The following PCBP3 variants were observed in gnomAD, a reference collection of about 807,000 sequenced individuals.
PCBP3 encodes poly(rC) binding protein 3, also known as poly(rC)-binding protein 3.
PCBP3 carries 25 observed loss-of-function variants against 52.7 expected under a neutral mutation model. That is an observed-to-expected ratio of 0.47 (90% confidence interval 0.35 to 0.66). PCBP3 has a LOEUF of 0.66. PCBP3 is among the 30% of genes least tolerant of loss of function. The pLI, the probability that PCBP3 is intolerant of heterozygous loss-of-function variation, is 0.01. For synonymous variants in PCBP3, 162 were observed against 183.0 expected, an observed-to-expected ratio of 0.89 and a Z score of 0.93; for missense variants, 391 against 490.3, an observed-to-expected ratio of 0.80 and a Z score of 1.91.
At chr21:45,898,597 G>A (rs1294380599) in intron 6 of PCBP3, among the ~76,000 whole-genome samples, 24 of 126,312 alleles carry the variant, frequency 1.9e-4, no homozygotes, top group Non-Finnish European at 3.2e-4. Context: ...CTCCCTCCAC[G>A]GGCCCCTCTA....
At chr21:45,799,306 C>A (rs1240813448) in intron 4 of PCBP3, among the ~76,000 whole-genome samples, 1 of 152,122 alleles carries the variant, frequency 6.6e-6, no homozygotes, top group Non-Finnish European at 1.5e-5. Flanking sequence ...GTACAGTAGT[C>A]CCCCTTTGTC....
chr21:45,888,992 C>G (rs1028659154), intron 5 of PCBP3, among the ~76,000 whole-genome samples: 1 of 152,226 alleles, frequency 6.6e-6, no homozygotes, highest in Non-Finnish European at 1.5e-5. Context: ...TTAAATAGCC[C>G]TTGTATGTTA....
rs78938477 is a variant in PCBP3, at chr21:45,876,063, G to A, written c.11-20145G>A. On this transcript the variant is annotated intron_variant, in intron 5 of 17. Coordinates refer to ENST00000681687, the MANE Select transcript of PCBP3 (RefSeq NM_001384156.1). ...TGGGCCAGTAGGATGTCCCTGCTGC[G>A]TTCAGCTTCCCACTAAGACTAGAGG... Among the ~76,000 whole-genome samples the A allele has an allele frequency of 3.4e-3, 523 of 152,296 alleles. 2 individuals are homozygous for A. Among genetic ancestry groups the A allele is most frequent in the African/African-American group, 0.011 (473 of 41,566 alleles).
At chr21:45,938,717 G>A (rs1362002968) in intron 16 of PCBP3, among the ~76,000 whole-genome samples, 1 of 152,168 alleles carries the variant, frequency 6.6e-6, no homozygotes, top group Non-Finnish European at 1.5e-5. Context: ...CAGCAGCCCT[G>A]GATTCTCCAG....
chr21:45,739,854 T>C lies in PCBP3; in HGVS notation c.-162+4425T>C, dbSNP rs140609258. ...GCATTGTAGTCACTGTCACACACAC[T>C]CTCTTCGCTTTGCCTCTGTGTCCTC... On this transcript the variant is annotated intron_variant, in intron 3 of 17. Transcript: ENST00000681687. 1.2e-3 allele frequency among the ~76,000 whole-genome samples: 184 copies of C among 152,280 alleles called. 2 individuals are homozygous for C. The highest frequency in any genetic ancestry group is 1.4e-3 in the Non-Finnish European group (95 of 68,018).
rs9982063 is a variant in PCBP3 at position 45,656,883 on chromosome 21, G to A, written c.-278-11991G>A. Among the ~76,000 whole-genome samples, 21,733 of 151,962 alleles carry A rather than the reference G, an allele frequency of 0.14. 1,676 individuals carry two copies. The highest frequency in any genetic ancestry group is 0.18 in the African/African-American group (7,575 of 41,434). On this transcript the variant is annotated intron_variant, in intron 1 of 17. Transcript: ENST00000681687. The surrounding 1 kb of genome is among the most constrained non-coding windows in gnomAD (Gnocchi z 4.3). Reference sequence around the variant, plus strand: ...GTCGCCTAGGCTAGAGTGCAGTGGCGCAACCTCGGCTCACTGCAAGCTCTG... The same window carrying A: ...GTCGCCTAGGCTAGAGTGCAGTGGCACAACCTCGGCTCACTGCAAGCTCTG...
At chr21:45,763,236 A>T (rs944834349) in intron 4 of PCBP3, 12 of 152,212 alleles carry the variant, frequency 7.9e-5, no homozygotes, top group Admixed American at 5.9e-4. Flanking sequence ...TGCAGTTCCC[A>T]CCATTGAGGG....
rs1258247661 is a variant in PCBP3 at position 45,741,357 on chromosome 21, T to C, written c.-162+5928T>C. 6.6e-6 allele frequency among the ~76,000 whole-genome samples: 1 copy of C among 151,922 alleles called. No individual in the cohort carries two copies. The highest frequency in any genetic ancestry group is 1.5e-5 in the Non-Finnish European group (1 of 67,972). On this transcript the variant is annotated intron_variant, in intron 3 of 17. Transcript: ENST00000681687. The surrounding 1 kb of genome is among the most constrained non-coding windows in gnomAD (Gnocchi z 4.5). ...GCAAGAAGGGAGCTGCAGCATCAGG[T>C]GTGGGTACCAGGTGCACAGCCAGCG...
At chr21:45,688,761 G>A (rs1328937608) in intron 2 of PCBP3, among the ~76,000 whole-genome samples, 1 of 151,670 alleles carries the variant, frequency 6.6e-6, no homozygotes, top group Non-Finnish European at 1.5e-5. Flanking sequence ...AAAAATATCA[G>A]TAGTGAAAAA....
intron 5 of PCBP3, among the ~76,000 whole-genome samples, chr21:45,887,260 T>C (rs2095545404): frequency 6.6e-6 from 1 of 152,246 alleles, no homozygotes; most frequent in Non-Finnish European, 1.5e-5. Context: ...GGCTGTTTTG[T>C]TGTTTTTAGC....
intron 4 of PCBP3, among the ~76,000 whole-genome samples, chr21:45,784,677 G>T (rs189075197): frequency 0.013 from 2,026 of 152,348 alleles, 61 homozygotes; most frequent in African/African-American, 0.046. Context: ...TGGCCAGGCT[G>T]GTCTCCAGCT....
intron 3 of PCBP3, among the ~76,000 whole-genome samples, chr21:45,745,887 C>T (rs1413442126): frequency 1.3e-5 from 2 of 152,156 alleles, no homozygotes; most frequent in African/African-American, 2.4e-5. Context: ...TGAAGGCAGA[C>T]AGCGCCACAC....
At chr21:45,843,988 T>C (rs1020962425) in intron 4 of PCBP3, among the ~76,000 whole-genome samples, 5 of 152,116 alleles carry the variant, frequency 3.3e-5, no homozygotes, top group Non-Finnish European at 1.5e-5. Context: ...CTCCCACCAG[T>C]TGGGCGATTT....
chr21:45,883,386 C>T (rs772335180), intron 5 of PCBP3, among the ~76,000 whole-genome samples: 15 of 152,190 alleles, frequency 9.9e-5, no homozygotes, highest in Non-Finnish European at 1.8e-4. Flanking sequence ...CAGAGTGTTC[C>T]GGAAGTGTTC....
intron 4 of PCBP3, among the ~76,000 whole-genome samples, chr21:45,801,738 TA>T (rs760740786): frequency 6.6e-6 from 1 of 152,252 alleles, no homozygotes; most frequent in Non-Finnish European, 1.5e-5. Flanking sequence ...TTCTGGGCAG[TA>T]TGTGCTGTTC....
intron 4 of PCBP3, among the ~76,000 whole-genome samples, chr21:45,778,657 C>T (rs1186345683): frequency 6.6e-6 from 1 of 152,158 alleles, no homozygotes; most frequent in East Asian, 1.9e-4. Flanking sequence ...AACTCAAGCC[C>T]CTGGAAGGAG....
chr21:45,655,752 T>C (rs571281728), intron 1 of PCBP3, among the ~76,000 whole-genome samples: 1 of 152,042 alleles, frequency 6.6e-6, no homozygotes, highest in Non-Finnish European at 1.5e-5. Flanking sequence ...GTCTTTACAA[T>C]CTATCCATCT....
chr21:45,675,348 T>C (rs1489849423), intron 2 of PCBP3, among the ~76,000 whole-genome samples: 9 of 152,176 alleles, frequency 5.9e-5, no homozygotes, highest in Admixed American at 5.9e-4. Context: ...TAAGTGAACA[T>C]GTCCCTACAG....
At chr21:45,833,451 T>C (rs1218734678) in intron 4 of PCBP3, among the ~76,000 whole-genome samples, 1 of 152,206 alleles carries the variant, frequency 6.6e-6, no homozygotes, top group East Asian at 1.9e-4. Flanking sequence ...ATGCTACTTG[T>C]GCATGCCAGG....
Sources: gnomAD v4.1 joint callset for allele counts (sites outside exome capture counted in the v4.1 genomes callset) on GRCh38, gnomAD v4.1.1 for gene constraint, Gnocchi (gnomAD v3.1) non-coding constraint, MANE v1.5 for transcripts, NCBI Gene and HGNC (gene_info 2026-07-23, HGNC 2026-07-21) for gene names.